CAMK4: variants seen among roughly 807,000 people sequenced by gnomAD.
The protein encoded by CAMK4 is calcium/calmodulin-dependent protein kinase type IV.
A neutral mutation model predicts 44.9 loss-of-function variants in CAMK4; 22 were observed. The ratio of observed to expected loss-of-function variants is 0.49; its 90% confidence interval spans 0.35 to 0.70. The LOEUF (loss-of-function observed/expected upper bound fraction) is 0.70. CAMK4 is among the 30% of genes least tolerant of loss of function. The probability of loss-of-function intolerance (pLI) is 0.01; values close to 1 mark genes in which losing one functional copy is unlikely to be tolerated. For synonymous variants in CAMK4, 218 were observed against 215.4 expected (o/e 1.01, Z -0.11); for missense variants, 498 against 586.8 (o/e 0.85, Z 1.56).
chr5:111,401,518 G>GT (rs1409240730), intron 5 of CAMK4, among the ~76,000 whole-genome samples: 1 of 103,880 alleles, frequency 9.6e-6, no homozygotes, highest in Non-Finnish European at 1.9e-5. Context: ...AGTCAATATG[G>GT]TATCTGAGCA....
At chr5:111,460,119 A>G (rs767882927) in intron 7 of CAMK4, among the ~76,000 whole-genome samples, 2 of 152,102 alleles carry the variant, frequency 1.3e-5, no homozygotes, top group African/African-American at 2.4e-5. Flanking sequence ...CACCCACAAA[A>G]TGTTCCACTT....
chr5:111,322,577 A>C (rs999121929), intron 1 of CAMK4, among the ~76,000 whole-genome samples: 3 of 152,152 alleles, frequency 2.0e-5, no homozygotes, highest in Admixed American at 1.3e-4. Context: ...TGTATCATTT[A>C]AAAATATCTA....
intron 7 of CAMK4, among the ~76,000 whole-genome samples, chr5:111,451,510 A>T (rs1001481365): frequency 3.3e-5 from 5 of 151,778 alleles, no homozygotes; most frequent in African/African-American, 9.7e-5. Flanking sequence ...CTGGTCTCGA[A>T]CTCCAGGCCT....
chr5:111,317,030 CA>C (rs1250405678), intron 1 of CAMK4, among the ~76,000 whole-genome samples: 2 of 151,968 alleles, frequency 1.3e-5, no homozygotes, highest in East Asian at 3.9e-4. Context: ...GTTTTTGACC[CA>C]AAAACAGAAT....
At chr5:111,333,734 A>G (rs189183095) in intron 1 of CAMK4, among the ~76,000 whole-genome samples, 209 of 151,776 alleles carry the variant, frequency 1.4e-3, no homozygotes, top group African/African-American at 5.0e-3. Flanking sequence ...TCACCAGGCA[A>G]GCAAGGTTTT....
At chr5:111,272,333 C>T (rs1750554315) in intron 1 of CAMK4, among the ~76,000 whole-genome samples, 1 of 152,028 alleles carries the variant, frequency 6.6e-6, no homozygotes, top group African/African-American at 2.4e-5. Context: ...TTTACCATCT[C>T]TGTTGTGCTA....
Position 111,484,773 on chromosome 5 carries a change from C to T in CAMK4, c.*307C>T. 8.9e-6 allele frequency: 2 copies of T among 225,242 alleles called. No homozygotes were observed. Among genetic ancestry groups the T allele is most frequent in the Non-Finnish European group, 1.7e-5 (2 of 116,806 alleles). The allele number at this position is 225,242 out of a possible 1,614,324, so 14.0% of individuals were successfully genotyped here. ...GGCACATATTTGAAGTGAATAGTAGCAAATTGTTTTTGCTTTGAAAATCTA... is the reference window on the plus strand; with the variant it reads ...GGCACATATTTGAAGTGAATAGTAGTAAATTGTTTTTGCTTTGAAAATCTA... On this transcript the variant is annotated 3_prime_UTR_variant, in exon 11 of 11. Coordinates refer to ENST00000282356, the MANE Select transcript of CAMK4 (RefSeq NM_001744.6). This position sits in a 1 kb window ranked among gnomAD's most constrained non-coding sequence, Gnocchi z 5.3.
chr5:111,476,494 G>A lies in CAMK4; in HGVS notation c.702-1887G>A, dbSNP rs1755248272. Among the ~76,000 whole-genome samples the A allele has an allele frequency of 2.0e-5, 3 of 151,944 alleles. No homozygotes were observed. The South Asian group carries it at 6.2e-4, about 32-fold the overall frequency. On this transcript the variant is annotated intron_variant, in intron 8 of 10. Transcript: ENST00000282356. ...GGGTTTCACCATGCTGGCCAGCCTG[G>A]TCTCAAACTCCTGACCTCCTGTTCC...
At chr5:111,228,626 G>A (rs1748316721) in intron 1 of CAMK4, among the ~76,000 whole-genome samples, 1 of 147,514 alleles carries the variant, frequency 6.8e-6, no homozygotes, top group Admixed American at 6.7e-5. Context: ...ATTATATGCT[G>A]TTTGATTTCA....
At chr5:111,278,622 T>A (rs1750872501) in intron 1 of CAMK4, among the ~76,000 whole-genome samples, 1 of 152,138 alleles carries the variant, frequency 6.6e-6, no homozygotes, top group Non-Finnish European at 1.5e-5. Context: ...AAGTACCAGG[T>A]GAGAAGAAAT....
At chr5:111,258,782 T>TGTGTGTGC (rs1554055382) in intron 1 of CAMK4, among the ~76,000 whole-genome samples, 1 of 147,556 alleles carries the variant, frequency 6.8e-6, no homozygotes, top group African/African-American at 2.5e-5. Context: ...TGTGTGTGTG[T>TGTGTGTGC]GCAGTCTTAG....
intron 5 of CAMK4, among the ~76,000 whole-genome samples, chr5:111,426,500 A>C (rs1753230715): frequency 6.6e-6 from 1 of 152,094 alleles, no homozygotes; most frequent in African/African-American, 2.4e-5. Context: ...ACGCCAAGTC[A>C]ACAGCTATCT....
In CAMK4 at chr5:111,488,961, TCCTG is replaced by T. The variant is rs1322112483; in HGVS notation, c.*4499_*4502del. 1 of 152,222 alleles carries T rather than the reference TCCTG, an allele frequency of 6.6e-6. No homozygotes were observed. Among genetic ancestry groups the T allele is most frequent in the African/African-American group, 2.4e-5 (1 of 41,458 alleles). The allele number at this position is 152,222 out of a possible 1,614,324, so 9.4% of individuals were successfully genotyped here. On this transcript the variant is annotated 3_prime_UTR_variant, in exon 11 of 11. Coordinates refer to ENST00000282356, the MANE Select transcript of CAMK4 (RefSeq NM_001744.6). The stretch of plus-strand genomic sequence containing the variant: ...AAAGGATTTGTAATTTCCTTGTAAT[TCCTG>T]CCTATTAGTCCATATTCTGATTTCC...
chr5:111,366,558 G>A (rs562810061), intron 2 of CAMK4, among the ~76,000 whole-genome samples: 2 of 152,118 alleles, frequency 1.3e-5, no homozygotes, highest in South Asian at 4.2e-4. Flanking sequence ...AGCCATCATT[G>A]CTTTTTTCTT....
At chr5:111,400,133 GT>G (rs5870449) in intron 5 of CAMK4, among the ~76,000 whole-genome samples, 29 of 150,960 alleles carry the variant, frequency 1.9e-4, no homozygotes, top group Non-Finnish European at 3.5e-4. Context: ...TTGAGGGTTT[GT>G]TTTTTTTTGT....
intron 2 of CAMK4, among the ~76,000 whole-genome samples, chr5:111,363,599 G>A (rs1376132365): frequency 6.6e-6 from 1 of 152,094 alleles, no homozygotes; most frequent in Admixed American, 6.6e-5. Flanking sequence ...GTGTGTATGT[G>A]TGTATGTTGT....
intron 2 of CAMK4, among the ~76,000 whole-genome samples, chr5:111,356,425 T>G (rs1249824649): frequency 3.3e-5 from 5 of 152,266 alleles, no homozygotes; most frequent in Non-Finnish European, 7.3e-5. Flanking sequence ...ATGAGTAGGT[T>G]GCGGAAATTT....
intron 1 of CAMK4, among the ~76,000 whole-genome samples, chr5:111,231,451 A>C (rs1049375727): frequency 6.6e-6 from 1 of 152,238 alleles, no homozygotes; most frequent in South Asian, 2.1e-4. Flanking sequence ...AAGTTGTTAA[A>C]CCAAAACTGT....
intron 5 of CAMK4, among the ~76,000 whole-genome samples, chr5:111,395,288 T>G (rs1376452985): frequency 6.6e-6 from 1 of 151,758 alleles, no homozygotes; most frequent in Non-Finnish European, 1.5e-5. Flanking sequence ...AATTTGTATT[T>G]TCTATTGATG....
Sources: allele counts gnomAD v4.1 joint callset (sites outside exome capture counted in the v4.1 genomes callset), GRCh38; gene constraint gnomAD v4.1.1; non-coding constraint Gnocchi (gnomAD v3.1); transcripts MANE v1.5; gene names NCBI Gene and HGNC (gene_info 2026-07-23, HGNC 2026-07-21).